The following UBQLN3 variants were observed in gnomAD, a reference collection of about 807,000 sequenced individuals.
The protein encoded by UBQLN3 is ubiquilin-3.
In UBQLN3, 1 loss-of-function variant was observed where a neutral mutation model predicts 2.9. The observed-to-expected ratio is 0.35, with a 90% CI of 0.12 to 1.66. The LOEUF (loss-of-function observed/expected upper bound fraction) is 1.66, where lower values mean the gene tolerates loss of function less well. Among genes scored for constraint, UBQLN3 ranks in the 40% most tolerant of loss-of-function variants. The pLI is 0.35. For synonymous variants in UBQLN3, 358 were observed against 317.6 expected (o/e 1.13, Z -1.35); for missense variants, 924 against 816.5 (o/e 1.13, Z -1.61).
At position 5,509,462 on chromosome 11, in the gene UBQLN3, CCTT is replaced by C. The variant is rs755640967; in HGVS notation, c.94_96del (p.Lys32del). Reference sequence around the variant, plus strand: ...CATGTGTCTGTAACTGAGAAATCCTCCTTGTCTTTGGGCGTCTTCACTGTCACC... The same window carrying C: ...CATGTGTCTGTAACTGAGAAATCCTCGTCTTTGGGCGTCTTCACTGTCACC... On this transcript the variant is annotated inframe_deletion, in exon 2 of 2. Coordinates refer to ENST00000311659, the MANE Select transcript of UBQLN3 (RefSeq NM_017481.4). 6.2e-7 allele frequency: 1 copy of C among 1,614,174 alleles called. No individual in the cohort carries two copies.
chr11:5,508,134 G>C lies in UBQLN3; in HGVS notation c.1425C>G (p.Pro475=). 6 of 1,614,218 alleles carry C rather than the reference G, an allele frequency of 3.7e-6. No homozygotes were observed. Among genetic ancestry groups the C allele is most frequent in the Non-Finnish European group, 5.1e-6 (6 of 1,180,044 alleles). Residue 475 remains proline (P), a synonymous_variant, in exon 2 of 2, where the codon CCC becomes CCG. Transcript: ENST00000311659. This position sits in a 1 kb window ranked among gnomAD's most constrained non-coding sequence, Gnocchi z 4.2. ...TAAIPGIPEP[P]WLPSPAYPRS... ...TTGGATAAGCCGGGGATGGCAGCCA[G>C]GGAGGCTCAGGGATTCCAGGAATGG...
Position 5,509,130 on chromosome 11 carries a change from C to T in UBQLN3, c.429G>A (p.Leu143=). The change falls in exon 2 of 2, where the codon CTG becomes CTA. Residue 143 remains leucine, a synonymous_variant. Transcript: ENST00000311659. The part of the protein sequence containing the change: ...SLGLLTGLSR[L]GLAYRGFPDQ... ...CAGGGAAGCCACGATAGGCCAAGCC[C>T]AGCCTACTGAGGCCTGTGAGGAGAC... 3 of 1,614,128 alleles carry T rather than the reference C, an allele frequency of 1.9e-6. No individual in the cohort carries two copies. Among genetic ancestry groups the T allele is most frequent in the Non-Finnish European group, 2.5e-6 (3 of 1,180,034 alleles).
Position 5,507,999 on chromosome 11 carries a change from G to A in UBQLN3, c.1560C>T (p.Ala520=), listed in dbSNP as rs747609950. 1 of 1,614,070 alleles carries A rather than the reference G, an allele frequency of 6.2e-7. No homozygotes were observed. The highest frequency in any genetic ancestry group is 8.5e-7 in the Non-Finnish European group (1 of 1,180,040). Reference sequence around the variant, plus strand: ...GCTCAATCTGCCGCAGGGCTTGCAGGGCACGGGGGTTTGCCATGGCTGCCT... The same window carrying A: ...GCTCAATCTGCCGCAGGGCTTGCAGAGCACGGGGGTTTGCCATGGCTGCCT... ...HLQAAMANPR[A]LQALRQIEQG... Residue 520 remains alanine (A), a synonymous_variant, in exon 2 of 2, where the codon GCC becomes GCT. Transcript: ENST00000311659.
At position 5,507,810 on chromosome 11, in the gene UBQLN3, C is replaced by G; in HGVS notation, c.1749G>C (p.Leu583=). 6.2e-7 allele frequency: 1 copy of G among 1,614,024 alleles called. No homozygotes were observed. Among genetic ancestry groups the G allele is most frequent in the Non-Finnish European group, 8.5e-7 (1 of 1,180,026 alleles). ...PNPPPEVFPA[L]DSAELGFLSP... ...AAAGGAAGCCCAGCTCTGCAGAGTC[C>G]AGTGCTGGGAACACCTCAGGAGGTG... Residue 583 remains leucine (L), a synonymous_variant, in exon 2 of 2, where the codon CTG becomes CTC. Transcript: ENST00000311659.
At position 5,508,341 on chromosome 11, in the gene UBQLN3, C is replaced by A; in HGVS notation, c.1218G>T (p.Arg406Ser). The change falls in exon 2 of 2, where the codon AGG becomes AGT. Residue 406 changes from arginine (R) to serine (S), a missense_variant. By Grantham distance (110) the Arg-to-Ser change is moderately radical. Transcript: ENST00000311659. This position sits in a 1 kb window ranked among gnomAD's most constrained non-coding sequence, Gnocchi z 4.2. The stretch of plus-strand genomic sequence containing the variant: ...ATCTCAGGAAAGCTGGGCAGGAGGA[C>A]CTTCCCTTGATTGCTACTGACTCCT... ...LPEESVAIKG[R>S]SSCPAFLRYP... The A allele has an allele frequency of 6.2e-7, 1 of 1,608,280 alleles. No individual in the cohort carries two copies.
In UBQLN3 at chr11:5,509,013, G is replaced by A; in HGVS notation, c.546C>T (p.Ser182=). 1 of 1,614,182 alleles carries A rather than the reference G, an allele frequency of 6.2e-7. No individual in the cohort carries two copies. Among genetic ancestry groups the A allele is most frequent in the East Asian group, 2.2e-5 (1 of 44,876 alleles). ...CCAGCTGGCGTACTAGGCCTGTGTT[G>A]GACAGCAGACCCGGGATGAAGGGGT... ...IDDPFIPGLL[S]NTGLVRQLVL... The change falls in exon 2 of 2, where the codon TCC becomes TCT. Residue 182 remains serine, a synonymous_variant. Transcript: ENST00000311659.
chr11:5,507,781 G>T lies in UBQLN3; in HGVS notation c.1778C>A (p.Pro593His), dbSNP rs753512093. 1 of 1,614,076 alleles carries T rather than the reference G, an allele frequency of 6.2e-7. No individual in the cohort carries two copies. The highest frequency in any genetic ancestry group is 8.5e-7 in the Non-Finnish European group (1 of 1,180,010). ...LDSAELGFLSPPFLHMLQDLV... is the reference protein window; with the variant it reads ...LDSAELGFLSHPFLHMLQDLV... ...ATCTTGCAGCATATGGAGAAAGGGA[G>T]GGGAAAGGAAGCCCAGCTCTGCAGA... Residue 593 changes from proline to histidine, a missense_variant, in exon 2 of 2, where the codon CCT becomes CAT. Pro to His is a moderately conservative substitution (Grantham distance 77). Coordinates refer to ENST00000311659, the MANE Select transcript of UBQLN3 (RefSeq NM_017481.4).
At position 5,508,756 on chromosome 11, in the gene UBQLN3, G is replaced by A; in HGVS notation, c.803C>T (p.Ala268Val). The change falls in exon 2 of 2, where the codon GCA (alanine) becomes GTA (valine). Residue 268 changes from alanine to valine, a missense_variant. By Grantham distance (64) the Ala-to-Val change is moderately conservative. Transcript: ENST00000311659. The surrounding 1 kb of genome is among the most constrained non-coding windows in gnomAD (Gnocchi z 4.2). ...ATTGCCGCCAAACTGCTCCTGGACT[G>A]CGTTAAGCATTGGGTCCATAATATC... ...YTDIMDPMLN[A>V]VQEQFGGNPF... 6.2e-7 allele frequency: 1 copy of A among 1,614,078 alleles called. No homozygotes were observed. Among genetic ancestry groups the A allele is most frequent in the Non-Finnish European group, 8.5e-7 (1 of 1,180,030 alleles).
rs1235995486 is a variant in UBQLN3 at position 5,509,552 on chromosome 11, T to C, written c.7A>G (p.Lys3Glu). 9 of 1,612,138 alleles carry C rather than the reference T, an allele frequency of 5.6e-6. No individual in the cohort carries two copies. Among genetic ancestry groups the C allele is most frequent in the Non-Finnish European group, 7.6e-6 (9 of 1,178,966 alleles). Residue 3 changes from lysine (K) to glutamate (E), a missense_variant, in exon 2 of 2, where the codon AAA (lysine) becomes GAA (glutamate). By Grantham distance (56) the Lys-to-Glu change is moderately conservative. Transcript: ENST00000311659. MA[K>E]GGEALPQGSP... is the part of the protein sequence containing the mutation. Reference sequence around the variant, plus strand: ...CCCTGTGGCAGGGCTTCTCCACCTTTGGCCATGGTGGCAGCAGGAGGCCCA... The same window carrying C: ...CCCTGTGGCAGGGCTTCTCCACCTTCGGCCATGGTGGCAGCAGGAGGCCCA...
chr11:5,509,169 A>G lies in UBQLN3; in HGVS notation c.390T>C (p.Pro130=), dbSNP rs1216508717. Reference sequence around the variant, plus strand: ...CTGTGAGGAGACCTAAGCTAAAGGCAGGGGGCCCATCTGCTGGGTAAATGG... The same window carrying G: ...CTGTGAGGAGACCTAAGCTAAAGGCGGGGGGCCCATCTGCTGGGTAAATGG... ...PSSIYPADGP[P]AFSLGLLTGL... Residue 130 remains proline, a synonymous_variant, in exon 2 of 2, where the codon CCT becomes CCC. Transcript: ENST00000311659. 2 of 1,613,818 alleles carry G rather than the reference A, an allele frequency of 1.2e-6. No individual in the cohort carries two copies. The highest frequency in any genetic ancestry group is 2.2e-5 in the East Asian group (1 of 44,878).
Position 5,508,729 on chromosome 11 carries a change from G to C in UBQLN3, c.830C>G (p.Pro277Arg). The change falls in exon 2 of 2, where the codon CCC becomes CGC. Residue 277 changes from proline (P) to arginine (R), a missense_variant. Transcript: ENST00000311659. The surrounding 1 kb of genome is among the most constrained non-coding windows in gnomAD (Gnocchi z 4.2). ...ATTATCAGTAGTGGCAGTGGCAAAG[G>C]GATTGCCGCCAAACTGCTCCTGGAC... ...NAVQEQFGGN[P>R]FATATTDNAT... is the part of the protein sequence containing the mutation. 6.2e-7 allele frequency: 1 copy of C among 1,613,902 alleles called. No individual in the cohort carries two copies. The highest frequency in any genetic ancestry group is 8.5e-7 in the Non-Finnish European group (1 of 1,179,990).
rs770326632 is a variant in UBQLN3 at position 5,509,526 on chromosome 11, G to T, written c.33C>A (p.Gly11=). ...GGGGATCCTGGACTGGTGCTGGGCTGCCCTGTGGCAGGGCTTCTCCACCTT... is the reference window on the plus strand; with the variant it reads ...GGGGATCCTGGACTGGTGCTGGGCTTCCCTGTGGCAGGGCTTCTCCACCTT... The part of the protein sequence containing the change: MAKGGEALPQ[G]SPAPVQDPHL... Residue 11 remains glycine (G), a synonymous_variant, in exon 2 of 2, where the codon GGC becomes GGA. Transcript: ENST00000311659. 9 of 1,614,024 alleles carry T rather than the reference G, an allele frequency of 5.6e-6. No individual in the cohort carries two copies. The highest frequency in any genetic ancestry group is 7.6e-6 in the Non-Finnish European group (9 of 1,179,938).
Position 5,509,224 on chromosome 11 carries a change from G to A in UBQLN3, c.335C>T (p.Pro112Leu). The change falls in exon 2 of 2, where the codon CCA (proline) becomes CTA (leucine). Residue 112 changes from proline (P) to leucine (L), a missense_variant. Pro to Leu is a moderately conservative substitution (Grantham distance 98). Coordinates refer to ENST00000311659, the MANE Select transcript of UBQLN3 (RefSeq NM_017481.4). Reference sequence around the variant, plus strand: ...TGGCTGAGGGAGTGATCCAGGACTTGGGCCCTGGGTAGGGACAGAGGCAGC... The same window carrying A: ...TGGCTGAGGGAGTGATCCAGGACTTAGGCCCTGGGTAGGGACAGAGGCAGC... Reference protein sequence around the residue: ...CPAASVPTQGPSPGSLPQPSS... With the variant: ...CPAASVPTQGLSPGSLPQPSS... 1 of 1,614,156 alleles carries A rather than the reference G, an allele frequency of 6.2e-7. No homozygotes were observed. The highest frequency in any genetic ancestry group is 2.2e-5 in the East Asian group (1 of 44,866).
Position 5,509,573 on chromosome 11 carries a change from GC to G in UBQLN3, c.-16del, listed in dbSNP as rs779484162. 1.2e-6 allele frequency: 2 copies of G among 1,607,168 alleles called. No homozygotes were observed. Among genetic ancestry groups the G allele is most frequent in the Admixed American group, 1.7e-5 (1 of 59,514 alleles). On this transcript the variant is annotated 5_prime_UTR_variant, in exon 2 of 2. Coordinates refer to ENST00000311659, the MANE Select transcript of UBQLN3 (RefSeq NM_017481.4). ...CCTTTGGCCATGGTGGCAGCAGGAG[GC>G]CCAGATCTGTGGGGACACAGCTAGG...
rs1172929198 is a variant in UBQLN3, at chr11:5,509,318, C to G, written c.241G>C (p.Val81Leu). ...AGGTGGACAGTGAGGCCATCTCGCA[C>G]TCCACACTGTGCCAGTGAGTCAGGA... ...KDPDSLAQCGVRDGLTVHLVI... is the reference protein window; with the variant it reads ...KDPDSLAQCGLRDGLTVHLVI... The change falls in exon 2 of 2, where the codon GTG becomes CTG. Residue 81 changes from valine to leucine, a missense_variant. Physicochemically the swap from Val to Leu is conservative, Grantham distance 32 (BLOSUM62 1). Transcript: ENST00000311659. 20 of 1,614,046 alleles carry G rather than the reference C, an allele frequency of 1.2e-5. No homozygotes were observed. The Admixed American group carries it at 1.7e-4, about 13-fold the overall frequency.
chr11:5,508,835 T>C lies in UBQLN3; in HGVS notation c.724A>G (p.Ser242Gly). 2 of 1,614,212 alleles carry C rather than the reference T, an allele frequency of 1.2e-6. No homozygotes were observed. The highest frequency in any genetic ancestry group is 1.7e-6 in the Non-Finnish European group (2 of 1,180,040). The change falls in exon 2 of 2, where the codon AGT (serine) becomes GGT (glycine). Residue 242 changes from serine to glycine, a missense_variant. Physicochemically the swap from Ser to Gly is moderately conservative, Grantham distance 56 (BLOSUM62 0). Coordinates refer to ENST00000311659, the MANE Select transcript of UBQLN3 (RefSeq NM_017481.4). The surrounding 1 kb of genome is among the most constrained non-coding windows in gnomAD (Gnocchi z 4.2). ...EMIRSQDRVL[S>G]NLESIPGGYN... ...CCACCAGGAATGCTCTCCAAGTTAC[T>C]GAGCACCCGGTCCTGGCTACGTATC... is the stretch of plus-strand genomic sequence containing the variant.
Position 5,508,406 on chromosome 11 carries a change from G to C in UBQLN3, c.1153C>G (p.Pro385Ala), listed in dbSNP as rs998972912. Residue 385 changes from proline (P) to alanine (A), a missense_variant, in exon 2 of 2, where the codon CCC (proline) becomes GCC (alanine). Physicochemically the swap from Pro to Ala is conservative, Grantham distance 27. Coordinates refer to ENST00000311659, the MANE Select transcript of UBQLN3 (RefSeq NM_017481.4). This position sits in a 1 kb window ranked among gnomAD's most constrained non-coding sequence, Gnocchi z 4.2. ...PSVNRVPPSS[P>A]SSQEPGSGQP... ...CCTGACCCAGGCTCCTGAGATGAGG[G>C]TGACGATGGGGGAACTCTGTTTACT... 1 of 1,601,824 alleles carries C rather than the reference G, an allele frequency of 6.2e-7. No individual in the cohort carries two copies. Among genetic ancestry groups the C allele is most frequent in the Non-Finnish European group, 8.5e-7 (1 of 1,174,222 alleles).
Position 5,508,275 on chromosome 11 carries a change from A to G in UBQLN3, c.1284T>C (p.Asp428=). The part of the protein sequence containing the change: ...ENSTGQGGDQ[D]GAGKSSTGHS... ...GTCCAGTAGAGCTTTTCCCTGCACC[A>G]TCTTGGTCTCCACCTTGTCCAGTAC... Residue 428 remains aspartate, a synonymous_variant, in exon 2 of 2, where the codon GAT becomes GAC. Transcript: ENST00000311659. This position sits in a 1 kb window ranked among gnomAD's most constrained non-coding sequence, Gnocchi z 4.2. 2 of 1,613,946 alleles carry G rather than the reference A, an allele frequency of 1.2e-6. No homozygotes were observed. Among genetic ancestry groups the G allele is most frequent in the South Asian group, 1.1e-5 (1 of 91,012 alleles).
Position 5,508,367 on chromosome 11 carries a change from C to G in UBQLN3, c.1192G>C (p.Glu398Gln). ...QEPGSGQPLP[E>Q]ESVAIKGRSS... Reference sequence around the variant, plus strand: ...CTTCCCTTGATTGCTACTGACTCCTCGGGGAGAGGCTGGCCTGACCCAGGC... The same window carrying G: ...CTTCCCTTGATTGCTACTGACTCCTGGGGGAGAGGCTGGCCTGACCCAGGC... Residue 398 changes from glutamate (E) to glutamine (Q), a missense_variant, in exon 2 of 2, where the codon GAG (glutamate) becomes CAG (glutamine). Coordinates refer to ENST00000311659, the MANE Select transcript of UBQLN3 (RefSeq NM_017481.4). This position sits in a 1 kb window ranked among gnomAD's most constrained non-coding sequence, Gnocchi z 4.2. The G allele has an allele frequency of 6.2e-7, 1 of 1,604,182 alleles. No homozygotes were observed. The highest frequency in any genetic ancestry group is 8.5e-7 in the Non-Finnish European group (1 of 1,174,612).
Sources: allele counts gnomAD v4.1 joint callset, GRCh38; gene constraint gnomAD v4.1.1; non-coding constraint Gnocchi (gnomAD v3.1); transcripts MANE v1.5; gene names NCBI Gene and HGNC (gene_info 2026-07-23, HGNC 2026-07-21).